Variants in SATL1 observed in about 807,000 individuals in gnomAD.
The protein encoded by SATL1 is spermidine/spermine N(1)-acetyltransferase-like protein 1.
A neutral mutation model predicts 51.8 loss-of-function variants in SATL1; 47 were observed. That is an observed-to-expected ratio of 0.91 (90% CI 0.72 to 1.16). The LOEUF is 1.16. SATL1 is among the 50% of genes most tolerant of loss of function. The pLI, the probability that SATL1 is intolerant of heterozygous loss-of-function variation, is 0.00. For synonymous variants in SATL1, 176 were observed against 182.4 expected, an observed-to-expected ratio of 0.97 and a Z score of 0.28; for missense variants, 520 against 526.4, an observed-to-expected ratio of 0.99 and a Z score of 0.12.
intron 2 of SATL1, among the ~76,000 whole-genome samples, chrX:85,199,706 T>A (rs1289670745): frequency 1.8e-5 from 2 of 111,920 alleles, no homozygotes; most frequent in Admixed American, 9.5e-5. Context: ...TCTCATTCAT[T>A]CATGAGAGCT....
chrX:85,128,393 A>G (rs1925686171), intron 2 of SATL1, among the ~76,000 whole-genome samples: 1 of 111,981 alleles, frequency 8.9e-6, no homozygotes, highest in African/African-American at 3.2e-5. Flanking sequence ...TTCTCTGATG[A>G]CCAGTGATGA....
chrX:85,115,157 A>G (rs1290365685), intron 2 of SATL1, among the ~76,000 whole-genome samples: 1 of 112,104 alleles, frequency 8.9e-6, no homozygotes, highest in Admixed American at 9.5e-5. Flanking sequence ...TCCAGAGGGT[A>G]AAGTTTATTT....
intron 2 of SATL1, among the ~76,000 whole-genome samples, chrX:85,186,514 G>A (rs1250893445): frequency 9.0e-6 from 1 of 111,166 alleles, no homozygotes; most frequent in Non-Finnish European, 1.9e-5. Context: ...CTGGAACTCA[G>A]GCTTTTACGT....
chrX:85,191,637 ATAC>A (rs750413560), intron 2 of SATL1, among the ~76,000 whole-genome samples: 1 of 112,186 alleles, frequency 8.9e-6, no homozygotes, highest in South Asian at 3.7e-4. Context: ...TATGTATTAT[ATAC>A]TGTATTCTTA....
chrX:85,136,773 C>G (rs1315626229), intron 2 of SATL1, among the ~76,000 whole-genome samples: 1 of 111,662 alleles, frequency 9.0e-6, no homozygotes, highest in East Asian at 2.8e-4. Flanking sequence ...GAGCTCATAG[C>G]AAATAGTAAA....
At chrX:85,229,206 T>C (rs922842011) in intron 1 of SATL1, among the ~76,000 whole-genome samples, 8 of 111,856 alleles carry the variant, frequency 7.2e-5, no homozygotes, top group African/African-American at 2.6e-4. Flanking sequence ...CAGGACCAAA[T>C]GCCTTCACTG....
chrX:85,212,231 A>G (rs748493997), intron 2 of SATL1: 1 of 112,281 alleles, frequency 8.9e-6, no homozygotes, highest in African/African-American at 3.2e-5. Flanking sequence ...GGAACAGAAC[A>G]TAGAGATAAC....
intron 2 of SATL1, among the ~76,000 whole-genome samples, chrX:85,171,230 T>A (rs918903343): frequency 2.7e-5 from 3 of 111,386 alleles, no homozygotes; most frequent in Non-Finnish European, 3.8e-5. Context: ...TTAGGCGCCC[T>A]AGTGATCTAG....
chrX:85,117,354 T>C (rs1340238117), intron 2 of SATL1: 2 of 111,858 alleles, frequency 1.8e-5, no homozygotes, highest in South Asian at 7.5e-4. Context: ...ATTGAGGTTG[T>C]TGCAGACCCA....
chrX:85,218,679 A>G (rs2147759696), intron 2 of SATL1, among the ~76,000 whole-genome samples: 1 of 112,096 alleles, frequency 8.9e-6, no homozygotes, highest in South Asian at 3.7e-4. Flanking sequence ...TACAGTACTA[A>G]CATTCACAAT....
intron 2 of SATL1, among the ~76,000 whole-genome samples, chrX:85,158,650 A>T (rs1383394869): frequency 8.9e-6 from 1 of 111,986 alleles, no homozygotes; most frequent in African/African-American, 3.2e-5. Flanking sequence ...CATTTCCTAG[A>T]GATCCAGCTA....
chrX:85,190,376 T>G (rs1252409120), intron 2 of SATL1, among the ~76,000 whole-genome samples: 1 of 111,810 alleles, frequency 8.9e-6, no homozygotes, highest in Non-Finnish European at 1.9e-5. Context: ...CCACACACTT[T>G]GGCATCTAAC....
intron 2 of SATL1, among the ~76,000 whole-genome samples, chrX:85,144,227 T>C (rs1014039216): frequency 3.6e-5 from 4 of 112,068 alleles, no homozygotes; most frequent in African/African-American, 1.3e-4. Context: ...ACTTTTAAAG[T>C]ACTGTACTAT....
At chrX:85,213,236 T>C (rs1342070796) in intron 2 of SATL1, among the ~76,000 whole-genome samples, 1 of 111,846 alleles carries the variant, frequency 8.9e-6, no homozygotes, top group Non-Finnish European at 1.9e-5. Context: ...TAAATTACCA[T>C]AATTTAGCAA....
intron 1 of SATL1, among the ~76,000 whole-genome samples, chrX:85,242,096 T>C (rs1298119308): frequency 1.8e-5 from 2 of 111,956 alleles, no homozygotes; most frequent in African/African-American, 6.5e-5. Flanking sequence ...GATATTTTCA[T>C]TGACTAGATG....
intron 2 of SATL1, among the ~76,000 whole-genome samples, chrX:85,197,076 T>C (rs1310846248): frequency 2.7e-5 from 3 of 111,926 alleles, no homozygotes; most frequent in Admixed American, 9.5e-5. Context: ...AGAGAAAATG[T>C]TGGTAAGTCA....
intron 2 of SATL1, among the ~76,000 whole-genome samples, chrX:85,187,735 G>A (rs1158509265): frequency 9.0e-6 from 1 of 111,368 alleles, no homozygotes; most frequent in African/African-American, 3.3e-5. Context: ...TTTTCTTGAG[G>A]ACTTTTGCAT....
intron 2 of SATL1, among the ~76,000 whole-genome samples, chrX:85,215,381 GT>G (rs139178706): frequency 0.024 from 2,672 of 111,577 alleles, 32 homozygotes; most frequent in South Asian, 0.039. Flanking sequence ...TTAGCAAGTG[GT>G]AGTTCCACAA....
In SATL1 at chrX:85,092,417, GTTC is replaced by G. The variant is rs1421602211; in HGVS notation, c.2059_2061del (p.Glu687del). Reference sequence around the variant, plus strand: ...CATTCTTCCCATGCCATGTCCAGGAGTTCTTCTCTGTTAAACCTGAAGAGATGC... The same window carrying G: ...CATTCTTCCCATGCCATGTCCAGGAGTTCTCTGTTAAACCTGAAGAGATGC... On this transcript the variant is annotated inframe_deletion, in exon 8 of 8. Coordinates refer to ENST00000644105, the MANE Select transcript of SATL1 (RefSeq NM_001367857.2). 4 of 1,178,828 alleles carry G rather than the reference GTTC, an allele frequency of 3.4e-6. No homozygotes were observed. Among genetic ancestry groups the G allele is most frequent in the Middle Eastern group, 2.3e-4 (1 of 4,332 alleles).
Sources: gnomAD v4.1 joint callset for allele counts (sites outside exome capture counted in the v4.1 genomes callset) on GRCh38, gnomAD v4.1.1 for gene constraint, MANE v1.5 for transcripts, NCBI Gene and HGNC (gene_info 2026-07-23, HGNC 2026-07-21) for gene names.